SPPL2A: variants seen among roughly 807,000 people sequenced by gnomAD.
SPPL2A encodes the protein signal peptide peptidase like 2A.
A neutral mutation model predicts 63.8 loss-of-function variants in SPPL2A; 51 were observed. The observed-to-expected ratio is 0.80, with a 90% CI of 0.64 to 1.01. SPPL2A has a LOEUF of 1.01. SPPL2A is among the 50% of genes least tolerant of loss of function. The pLI is 0.00. For synonymous variants in SPPL2A, 188 were observed against 205.8 expected, an observed-to-expected ratio of 0.91 and a Z score of 0.74; for missense variants, 553 against 622.7, an observed-to-expected ratio of 0.89 and a Z score of 1.19.
intron 1 of SPPL2A, among the ~76,000 whole-genome samples, chr15:50,756,336 GAC>G (rs1045901213): frequency 8.0e-6 from 1 of 124,278 alleles, no homozygotes; most frequent in African/African-American, 3.2e-5. Flanking sequence ...ACTCCAGTCT[GAC>G]AGAGTCAGAC....
At chr15:50,720,202 A>G in intron 13 of SPPL2A, 102 bp from the exon 14 acceptor site, 1 of 882,398 alleles carries the variant, frequency 1.1e-6, no homozygotes, top group Non-Finnish European at 1.7e-6. Context: ...TTCTGAGGAT[A>G]TTTTTGCTCT....
In SPPL2A at chr15:50,707,503, T is replaced by TA. The variant is rs1022031889; in HGVS notation, c.*296dup. 2.2e-4 allele frequency: 54 copies of TA among 242,222 alleles called. No individual in the cohort carries two copies. Among genetic ancestry groups the TA allele is most frequent in the East Asian group, 4.8e-4 (6 of 12,484 alleles). The allele number at this position is 242,222 out of a possible 1,614,324, so 15.0% of individuals were successfully genotyped here. ...CAGAGCTGAAAGAAACAGATTTCGTTAAAAAAAAGTATAGGGGTGGGTCAA... is the reference window on the plus strand; with the variant it reads ...CAGAGCTGAAAGAAACAGATTTCGTTAAAAAAAAAGTATAGGGGTGGGTCAA... On this transcript the variant is annotated 3_prime_UTR_variant, in exon 15 of 15. Transcript: ENST00000261854.
intron 1 of SPPL2A, among the ~76,000 whole-genome samples, chr15:50,756,356 C>CAAAAA (rs34922256): frequency 6.3e-5 from 4 of 63,392 alleles, no homozygotes; most frequent in Admixed American, 2.1e-4. Flanking sequence ...GACTCCGTCT[C>CAAAAA]AAAAAAAAAA....
At chr15:50,747,734 C>G in intron 4 of SPPL2A, 106 bp from the exon 5 acceptor site, 4 of 775,316 alleles carry the variant, frequency 5.2e-6, no homozygotes, top group Non-Finnish European at 6.4e-6. Context: ...ATACATCAGA[C>G]AGTCAAGAAG....
intron 12 of SPPL2A, among the ~76,000 whole-genome samples, chr15:50,723,477 G>T (rs1596380519): frequency 6.7e-6 from 1 of 149,784 alleles, no homozygotes; most frequent in East Asian, 1.9e-4. Context: ...ATTCAGTTGG[G>T]TTTTTTTTGT....
chr15:50,726,578 C>T (rs945640370), intron 10 of SPPL2A, among the ~76,000 whole-genome samples: 2 of 152,202 alleles, frequency 1.3e-5, no homozygotes, highest in African/African-American at 4.8e-5. Context: ...AGTTGCTCCA[C>T]TTTATCAGAG....
At position 50,703,793 on chromosome 15, in the gene SPPL2A, C is replaced by T. The variant is rs138792521; in HGVS notation, c.*4007G>A. 1.8e-4 allele frequency: 28 copies of T among 152,188 alleles called. No individual in the cohort carries two copies. The highest frequency in any genetic ancestry group is 6.5e-4 in the African/African-American group (27 of 41,512). The allele number at this position is 152,188 out of a possible 1,614,324, so 9.4% of individuals were successfully genotyped here. ...CATACCTGTATCAAAACATCTCATGCACTCCATAAATATATACACCTACAT... is the reference window on the plus strand; with the variant it reads ...CATACCTGTATCAAAACATCTCATGTACTCCATAAATATATACACCTACAT... On this transcript the variant is annotated 3_prime_UTR_variant, in exon 15 of 15. Coordinates refer to ENST00000261854, the MANE Select transcript of SPPL2A (RefSeq NM_032802.4).
At position 50,718,789 on chromosome 15, in the gene SPPL2A, A is replaced by G. The variant is rs112078844; in HGVS notation, c.1488+1151T>C. Among the ~76,000 whole-genome samples, 571 of 152,302 alleles carry G rather than the reference A, an allele frequency of 3.7e-3. 6 individuals carry two copies. The highest frequency in any genetic ancestry group is 0.013 in the African/African-American group (544 of 41,562). On this transcript the variant is annotated intron_variant, in intron 14 of 14. Coordinates refer to ENST00000261854, the MANE Select transcript of SPPL2A (RefSeq NM_032802.4). ...AGTAACACTATAAATGACATGAAAG[A>G]CCAAGCACAAGATGGACATGGACTT...
intron 6 of SPPL2A, among the ~76,000 whole-genome samples, chr15:50,737,643 G>A (rs1471363019): frequency 6.6e-6 from 1 of 151,972 alleles, no homozygotes; most frequent in East Asian, 2.0e-4. Context: ...AGTAGAGACA[G>A]GGTTTCACTA....
At chr15:50,757,963 G>A (rs374012347) in intron 1 of SPPL2A, among the ~76,000 whole-genome samples, 1 of 146,418 alleles carries the variant, frequency 6.8e-6, no homozygotes, top group African/African-American at 2.5e-5. Flanking sequence ...CAGCCTAGGC[G>A]ACAGAGTGAG....
At chr15:50,756,956 G>A (rs1321727603) in intron 1 of SPPL2A, among the ~76,000 whole-genome samples, 2 of 152,006 alleles carry the variant, frequency 1.3e-5, no homozygotes, top group African/African-American at 4.8e-5. Flanking sequence ...TCACACTCCA[G>A]TTTTAATAAT....
intron 1 of SPPL2A, among the ~76,000 whole-genome samples, chr15:50,752,773 T>G (rs1946941236): frequency 6.6e-6 from 1 of 151,998 alleles, no homozygotes; most frequent in Non-Finnish European, 1.5e-5. Context: ...GACTTCTTGT[T>G]TTTTTGACAC....
Position 50,765,455 on chromosome 15 carries a change from C to G in SPPL2A, c.66+13G>C. On this transcript the variant is annotated intron_variant, in intron 1 of 14. Transcript: ENST00000261854. ...AGCCCCTGGGAGGCCTGCGCGCCTT[C>G]CCGCCCCCTTACCAGCTGGAGCAGG... 3.3e-6 allele frequency: 5 copies of G among 1,500,314 alleles called. No individual in the cohort carries two copies. The highest frequency in any genetic ancestry group is 4.4e-6 in the Non-Finnish European group (5 of 1,131,962). The allele number at this position is 1,500,314 out of a possible 1,614,324, so 92.9% of individuals were successfully genotyped here.
In SPPL2A at chr15:50,739,766, A is replaced by G; in HGVS notation, c.647T>C (p.Leu216Ser). Reference sequence around the variant, plus strand: ...TACAACTGTAAGAGGACTAAAAGTTAAATATTCTTCCTTCTTTTTCCTCAT... The same window carrying G: ...TACAACTGTAAGAGGACTAAAAGTTGAATATTCTTCCTTCTTTTTCCTCAT... ...REMRKKKEEY[L>S]TFSPLTVVIF... Residue 216 changes from leucine (L) to serine (S), a missense_variant, in exon 6 of 15, where the codon TTA (leucine) becomes TCA (serine). Transcript: ENST00000261854. 2 of 1,603,028 alleles carry G rather than the reference A, an allele frequency of 1.2e-6. No individual in the cohort carries two copies. Among genetic ancestry groups the G allele is most frequent in the Non-Finnish European group, 1.7e-6 (2 of 1,174,748 alleles).
intron 12 of SPPL2A, among the ~76,000 whole-genome samples, chr15:50,724,333 T>C (rs1186332242): frequency 6.6e-6 from 1 of 151,974 alleles, no homozygotes; most frequent in East Asian, 1.9e-4. Flanking sequence ...TCCCAGCACT[T>C]TGGGAGGCCG....
chr15:50,763,434 T>C (rs12906508), intron 1 of SPPL2A, among the ~76,000 whole-genome samples: 38,502 of 152,094 alleles, frequency 0.25, 5,847 homozygotes, highest in East Asian at 0.55. Context: ...TAAACAGATA[T>C]TGTCAGTTTA....
At chr15:50,726,170 A>C (rs1220561117) in intron 11 of SPPL2A, 151 bp downstream of exon 11, 1 of 1,497,962 alleles carries the variant, frequency 6.7e-7, no homozygotes, top group African/African-American at 1.4e-5. Context: ...AATTTAGAAT[A>C]ACTAAGAAAA....
intron 1 of SPPL2A, among the ~76,000 whole-genome samples, chr15:50,752,873 G>A (rs1260768462): frequency 2.0e-5 from 3 of 152,114 alleles, no homozygotes; most frequent in African/African-American, 7.2e-5. Context: ...AAGATACCCA[G>A]ATCAGGATCT....
intron 10 of SPPL2A, among the ~76,000 whole-genome samples, chr15:50,730,299 T>C (rs2062720247): frequency 6.6e-6 from 1 of 151,996 alleles, no homozygotes; most frequent in Non-Finnish European, 1.5e-5. Context: ...TCTAACTTCA[T>C]GGAAAAAGCC....
Sources: gnomAD v4.1 joint callset for allele counts (sites outside exome capture counted in the v4.1 genomes callset) on GRCh38, gnomAD v4.1.1 for gene constraint, MANE v1.5 for transcripts, NCBI Gene and HGNC (gene_info 2026-07-23, HGNC 2026-07-21) for gene names.